The following DGKI variants were observed in gnomAD, a reference collection of about 807,000 sequenced individuals.
DGKI encodes the protein DAG kinase iota.
Under a neutral mutation model 147.5 loss-of-function variants are expected in DGKI, and 55 were observed. The ratio of observed to expected loss-of-function variants is 0.37; its 90% confidence interval spans 0.30 to 0.47. DGKI has a LOEUF of 0.47. DGKI is among the 20% of genes least tolerant of loss of function. The probability of loss-of-function intolerance (pLI) is 1.00; values close to 1 mark genes in which losing one functional copy is unlikely to be tolerated. For synonymous variants in DGKI, 469 were observed against 477.1 expected, an observed-to-expected ratio of 0.98 and a Z score of 0.22; for missense variants, 1,007 against 1,323.8, an observed-to-expected ratio of 0.76 and a Z score of 3.71.
chr7:137,779,212 G>A (rs1187315862), intron 1 of DGKI, among the ~76,000 whole-genome samples: 2 of 151,952 alleles, frequency 1.3e-5, no homozygotes, highest in African/African-American at 4.8e-5. Context: ...TTTTGAAAAA[G>A]CCACCAAAGA....
At position 137,465,972 on chromosome 7, in the gene DGKI, C is replaced by A; in HGVS notation, c.2548G>T (p.Val850Leu). 6.2e-7 allele frequency: 1 copy of A among 1,614,154 alleles called. No homozygotes were observed. ...GGTGTCCCCGCCGGCTGTGACACCACCATATCTGGGTCCAGAATAAAAATC... is the reference window on the plus strand; with the variant it reads ...GGTGTCCCCGCCGGCTGTGACACCAACATATCTGGGTCCAGAATAAAAATC... ...DEIFILDPDM[V>L]VSQPAGTPPG... The change falls in exon 26 of 33, where the codon GTG (valine) becomes TTG (leucine). Residue 850 changes from valine to leucine, a missense_variant. This residue lies in a region of DGKI where 385 missense variants were observed against 445.2 expected (regional missense o/e 0.86). Transcript: ENST00000614521.
chr7:137,663,654 G>A (rs1822525293), intron 3 of DGKI, among the ~76,000 whole-genome samples: 1 of 152,212 alleles, frequency 6.6e-6, no homozygotes, highest in Admixed American at 6.5e-5. Flanking sequence ...CTCAAACCTG[G>A]GAAGTAGGTA....
chr7:137,813,661 C>A (rs1797656582), intron 1 of DGKI, among the ~76,000 whole-genome samples: 1 of 152,170 alleles, frequency 6.6e-6, no homozygotes, highest in Non-Finnish European at 1.5e-5. Context: ...AGTTCCAGAC[C>A]ACTTTGCAAA....
chr7:137,752,212 C>T (rs1795513144), intron 1 of DGKI, among the ~76,000 whole-genome samples: 1 of 151,300 alleles, frequency 6.6e-6, no homozygotes, highest in Non-Finnish European at 1.5e-5. Context: ...AGTAACAGCA[C>T]AAAAGTGTGG....
chr7:137,679,949 C>T (rs1823174635), intron 2 of DGKI, among the ~76,000 whole-genome samples: 1 of 148,208 alleles, frequency 6.7e-6, no homozygotes, highest in South Asian at 2.2e-4. Flanking sequence ...CAAGATCATG[C>T]CACTGCACTC....
In DGKI at chr7:137,540,756, C is replaced by A. The variant is rs1585212271; in HGVS notation, c.2147+11613G>T. Among the ~76,000 whole-genome samples, 8 of 14,954 alleles carry A rather than the reference C, an allele frequency of 5.3e-4. 2 individuals are homozygous for A. Among genetic ancestry groups the A allele is most frequent in the Non-Finnish European group, 9.0e-4 (7 of 7,776 alleles). The allele number at this position is 14,954 out of a possible 152,430, so 9.8% of individuals were successfully genotyped here. ...CAATTGGAAACAAACATTTTAAAAACCCCCCCAAAAAAAAAAAAAAAAAAA... is the reference window on the plus strand; with the variant it reads ...CAATTGGAAACAAACATTTTAAAAAACCCCCCAAAAAAAAAAAAAAAAAAA... On this transcript the variant is annotated intron_variant, in intron 20 of 32. Coordinates refer to ENST00000614521, the MANE Select transcript of DGKI (RefSeq NM_001321708.2).
chr7:137,576,817 G>A (rs1460643017), intron 17 of DGKI, among the ~76,000 whole-genome samples: 2 of 152,136 alleles, frequency 1.3e-5, no homozygotes, highest in East Asian at 1.9e-4. Context: ...ATACTTGTTT[G>A]GAGAGTACCG....
At chr7:137,484,597 T>C (rs1232533708) in intron 23 of DGKI, among the ~76,000 whole-genome samples, 2 of 151,998 alleles carry the variant, frequency 1.3e-5, no homozygotes, top group Non-Finnish European at 2.9e-5. Flanking sequence ...TAATACTGTG[T>C]ACTAGGATCT....
chr7:137,702,022 C>T (rs1312773327), intron 1 of DGKI, among the ~76,000 whole-genome samples: 2 of 152,056 alleles, frequency 1.3e-5, no homozygotes, highest in Non-Finnish European at 2.9e-5. Flanking sequence ...TGTACAGCTT[C>T]AACAGAGGTA....
chr7:137,480,811 C>T lies in DGKI; in HGVS notation c.2373+4563G>A, dbSNP rs1357111294. 3.3e-5 allele frequency among the ~76,000 whole-genome samples: 5 copies of T among 152,086 alleles called. No individual in the cohort carries two copies. In the South Asian group the frequency reaches 6.2e-4, roughly 19 times the overall value. On this transcript the variant is annotated intron_variant, in intron 23 of 32. Transcript: ENST00000614521. ...GCACTAAAATCTCAAGTTATAATTC[C>T]TACCATTTAATGCCCCATAAAGAAT...
At chr7:137,611,292 G>C (rs1031011607) in intron 8 of DGKI, among the ~76,000 whole-genome samples, 1 of 152,156 alleles carries the variant, frequency 6.6e-6, no homozygotes, top group Non-Finnish European at 1.5e-5. Context: ...TGCTCTAAAT[G>C]CTTCTCAACC....
At chr7:137,412,264 T>C (rs934551684) in intron 28 of DGKI, 57 bp from the exon 29 acceptor site, 2 of 1,508,694 alleles carry the variant, frequency 1.3e-6, no homozygotes, top group African/African-American at 1.4e-5. Context: ...ATTAAAATAT[T>C]ACACAAAGTT....
chr7:137,643,422 C>T (rs912635236), intron 6 of DGKI, among the ~76,000 whole-genome samples: 4 of 151,592 alleles, frequency 2.6e-5, no homozygotes, highest in Non-Finnish European at 5.9e-5. Flanking sequence ...GGAAATAGAG[C>T]CATAGCTTTC....
At chr7:137,597,496 CCTA>C (rs1432439225) in intron 12 of DGKI, among the ~76,000 whole-genome samples, 1 of 151,858 alleles carries the variant, frequency 6.6e-6, no homozygotes, top group Non-Finnish European at 1.5e-5. Context: ...CGTATTTCTC[CCTA>C]CTGTGGCCAA....
chr7:137,778,116 G>A (rs185130244), intron 1 of DGKI, among the ~76,000 whole-genome samples: 115 of 152,276 alleles, frequency 7.6e-4, no homozygotes, highest in Admixed American at 1.9e-3. Flanking sequence ...AAAACATTAG[G>A]AAAATATGAA....
At chr7:137,716,131 T>C (rs1794369494) in intron 1 of DGKI, among the ~76,000 whole-genome samples, 1 of 152,152 alleles carries the variant, frequency 6.6e-6, no homozygotes, top group Non-Finnish European at 1.5e-5. Flanking sequence ...GTGTAAGAGA[T>C]TGCATTCACA....
chr7:137,643,686 G>T (rs1821731077), intron 6 of DGKI, among the ~76,000 whole-genome samples: 1 of 152,234 alleles, frequency 6.6e-6, no homozygotes, highest in Non-Finnish European at 1.5e-5. Flanking sequence ...ACACTGGCAG[G>T]AAAGGACACA....
At chr7:137,478,571 G>A (rs1283815971) in intron 23 of DGKI, among the ~76,000 whole-genome samples, 4 of 152,206 alleles carry the variant, frequency 2.6e-5, no homozygotes, top group African/African-American at 9.6e-5. Context: ...CACCTTCTCT[G>A]TTCTCAGAGG....
chr7:137,787,935 C>G (rs537873760), intron 1 of DGKI, among the ~76,000 whole-genome samples: 50 of 152,176 alleles, frequency 3.3e-4, no homozygotes, highest in African/African-American at 1.1e-3. Context: ...ACATTGGGTA[C>G]AGTGTACACT....
Sources: gnomAD v4.1 joint callset for allele counts (sites outside exome capture counted in the v4.1 genomes callset) on GRCh38, gnomAD v4.1.1 for gene constraint, gnomAD v4.1.1 regional missense constraint, MANE v1.5 for transcripts, NCBI Gene and HGNC (gene_info 2026-07-23, HGNC 2026-07-21) for gene names.